Variants in MIGA1 observed in about 807,000 individuals in gnomAD.
MIGA1 encodes the protein mitoguardin 1.
MIGA1 carries 58 observed loss-of-function variants against 82.0 expected under a neutral mutation model. That is an observed-to-expected ratio of 0.71 (90% CI 0.57 to 0.88). The LOEUF (loss-of-function observed/expected upper bound fraction) is 0.88. Among genes scored for constraint, MIGA1 ranks in the 40% least tolerant of loss-of-function variants. The pLI, the probability that MIGA1 is intolerant of heterozygous loss-of-function variation, is 0.00. For missense variants in MIGA1, 751 were observed against 749.1 expected (o/e 1.00, Z -0.03); for synonymous variants, 249 against 253.6 (o/e 0.98, Z 0.17).
chr1:77,822,571 A>C (rs1643370027), intron 7 of MIGA1, among the ~76,000 whole-genome samples: 1 of 152,188 alleles, frequency 6.6e-6, no homozygotes, highest in South Asian at 2.1e-4. Context: ...GCTGAGGCTG[A>C]GTTTTTTGCA....
At chr1:77,825,094 T>C (rs899348235) in intron 7 of MIGA1, among the ~76,000 whole-genome samples, 1 of 150,648 alleles carries the variant, frequency 6.6e-6, no homozygotes, top group African/African-American at 2.4e-5. Context: ...GTTCAAGTGA[T>C]TCTCTTGCCT....
chr1:77,834,637 C>G (rs1183090567), intron 7 of MIGA1, among the ~76,000 whole-genome samples: 1 of 152,120 alleles, frequency 6.6e-6, no homozygotes, highest in Non-Finnish European at 1.5e-5. Flanking sequence ...TTCTTTCTCT[C>G]AAATTATACT....
intron 2 of MIGA1, among the ~76,000 whole-genome samples, chr1:77,788,815 A>G (rs1228646767): frequency 1.3e-5 from 2 of 152,136 alleles, no homozygotes; most frequent in African/African-American, 4.8e-5. Flanking sequence ...CTGTCGCTTT[A>G]TAGTGAGTTT....
chr1:77,808,447 C>G (rs937139267), intron 5 of MIGA1, among the ~76,000 whole-genome samples: 1 of 152,150 alleles, frequency 6.6e-6, no homozygotes, highest in Non-Finnish European at 1.5e-5. Context: ...ATGAATCTAT[C>G]AGAACTCACT....
chr1:77,830,587 C>T (rs1000897393), intron 7 of MIGA1, among the ~76,000 whole-genome samples: 1 of 152,116 alleles, frequency 6.6e-6, no homozygotes, highest in Admixed American at 6.6e-5. Flanking sequence ...TCCGCACCCC[C>T]CTCCCCGCAA....
chr1:77,875,306 T>G lies in MIGA1; in HGVS notation c.*242T>G, dbSNP rs1322709557. On this transcript the variant is annotated 3_prime_UTR_variant, in exon 16 of 16. Coordinates refer to ENST00000370791, the MANE Select transcript of MIGA1 (RefSeq NM_198549.4). ...AGGTAATAATTGAAGTCATGAAATGTATATTTTACAGAAATATCGCTTGAA... is the reference window on the plus strand; with the variant it reads ...AGGTAATAATTGAAGTCATGAAATGGATATTTTACAGAAATATCGCTTGAA... 5.1e-6 allele frequency: 2 copies of G among 395,406 alleles called. No homozygotes were observed. Among genetic ancestry groups the G allele is most frequent in the African/African-American group, 4.1e-5 (2 of 48,364 alleles). The allele number at this position is 395,406 out of a possible 1,614,324, so 24.5% of individuals were successfully genotyped here. A position where few individuals can be genotyped will look rare whatever the true frequency, so the allele number is the denominator to read the frequency against.
chr1:77,859,353 T>G lies in MIGA1; in HGVS notation c.1155T>G (p.Leu385=). The change falls in exon 10 of 16, where the codon CTT becomes CTG. Residue 385 remains leucine (L), a synonymous_variant. Coordinates refer to ENST00000370791, the MANE Select transcript of MIGA1 (RefSeq NM_198549.4). ...AGTGCCTAGGAGACAGTGATTTTCTTGCCAAACTTCACTGTATTCGACAGG... is the reference window on the plus strand; with the variant it reads ...AGTGCCTAGGAGACAGTGATTTTCTGGCCAAACTTCACTGTATTCGACAGG... The G allele has an allele frequency of 1.2e-6, 2 of 1,613,950 alleles. No individual in the cohort carries two copies. The highest frequency in any genetic ancestry group is 1.7e-6 in the Non-Finnish European group (2 of 1,179,840).
At chr1:77,780,315 G>C in intron 1 of MIGA1, 1 of 273,226 alleles carries the variant, frequency 3.7e-6, no homozygotes, top group Non-Finnish European at 5.6e-6. Context: ...TTTAGCACGG[G>C]AGTATTGTGG....
intron 2 of MIGA1, among the ~76,000 whole-genome samples, chr1:77,799,550 G>T (rs1682790466): frequency 6.6e-6 from 1 of 152,112 alleles, no homozygotes; most frequent in Admixed American, 6.6e-5. Flanking sequence ...TTGTGAAATT[G>T]ATACTGTTTC....
chr1:77,855,157 T>C (rs1272484957), intron 8 of MIGA1, among the ~76,000 whole-genome samples: 3 of 152,216 alleles, frequency 2.0e-5, no homozygotes, highest in Admixed American at 2.0e-4. Flanking sequence ...AGGGTGTCTT[T>C]TCCCCATTTT....
At position 77,859,612 on chromosome 1, in the gene MIGA1, AAAAC is replaced by A. The variant is rs1685389790; in HGVS notation, c.1188+228_1188+231del. 1.2e-5 allele frequency: 6 copies of A among 484,516 alleles called. 1 individual carries two copies. The East Asian group carries it at 1.8e-4, about 15-fold the overall frequency. The allele number at this position is 484,516 out of a possible 1,614,324, so 30.0% of individuals were successfully genotyped here. On this transcript the variant is annotated intron_variant, in intron 10 of 15. Transcript: ENST00000370791. ...CTTCCCAGGCCCACGACACTTTGTCAAAACAGGATATTTTGATACTTCAGGAGTG... is the reference window on the plus strand; with the variant it reads ...CTTCCCAGGCCCACGACACTTTGTCAAGGATATTTTGATACTTCAGGAGTG...
Position 77,878,859 on chromosome 1 carries a change from A to C in MIGA1, c.*3795A>C. ...AGCTCCAAAGAACTTTGTCTTTCTC[A>C]TAAAGTAATATTCTTTATTTGCATC... is the stretch of plus-strand genomic sequence containing the variant. On this transcript the variant is annotated 3_prime_UTR_variant, in exon 16 of 16. Coordinates refer to ENST00000370791, the MANE Select transcript of MIGA1 (RefSeq NM_198549.4). 1 of 370,850 alleles carries C rather than the reference A, an allele frequency of 2.7e-6. No homozygotes were observed. The highest frequency in any genetic ancestry group is 4.6e-5 in the Admixed American group (1 of 21,596). The allele number at this position is 370,850 out of a possible 1,614,324, so 23.0% of individuals were successfully genotyped here.
chr1:77,842,522 C>T (rs1202921472), intron 7 of MIGA1, among the ~76,000 whole-genome samples: 1 of 152,134 alleles, frequency 6.6e-6, no homozygotes, highest in Non-Finnish European at 1.5e-5. Flanking sequence ...CTGAAAAAGT[C>T]ACAAATATCT....
At chr1:77,862,659 G>A (rs115225503) in intron 12 of MIGA1, among the ~76,000 whole-genome samples, 34 of 151,896 alleles carry the variant, frequency 2.2e-4, no homozygotes, top group African/African-American at 8.2e-4. Context: ...GCGAGACTCC[G>A]TCACACACAC....
intron 2 of MIGA1, among the ~76,000 whole-genome samples, chr1:77,784,997 A>G (rs1439945662): frequency 6.6e-6 from 1 of 152,186 alleles, no homozygotes; most frequent in Non-Finnish European, 1.5e-5. Context: ...GTGGGAATTC[A>G]AGATGAGATT....
At chr1:77,828,211 TAATTC>T (rs1684104241) in intron 7 of MIGA1, among the ~76,000 whole-genome samples, 1 of 152,260 alleles carries the variant, frequency 6.6e-6, no homozygotes, top group Admixed American at 6.5e-5. Context: ...AAGACATACT[TAATTC>T]TATTCAGTGT....
At chr1:77,797,971 A>C (rs930485700) in intron 2 of MIGA1, among the ~76,000 whole-genome samples, 1 of 152,148 alleles carries the variant, frequency 6.6e-6, no homozygotes, top group Non-Finnish European at 1.5e-5. Context: ...TAGTACTTCT[A>C]ATACGACATT....
intron 8 of MIGA1, among the ~76,000 whole-genome samples, chr1:77,855,716 A>G (rs1276434351): frequency 6.6e-6 from 1 of 151,412 alleles, no homozygotes; most frequent in African/African-American, 2.4e-5. Context: ...TGGTGTATAG[A>G]AGAGCTACTG....
intron 4 of MIGA1, among the ~76,000 whole-genome samples, chr1:77,805,833 G>A (rs1027094148): frequency 6.6e-6 from 1 of 152,080 alleles, no homozygotes; most frequent in African/African-American, 2.4e-5. Context: ...GAGTATGCCT[G>A]TTCTATAATG....
Sources: gnomAD v4.1 joint callset for allele counts (sites outside exome capture counted in the v4.1 genomes callset) on GRCh38, gnomAD v4.1.1 for gene constraint, MANE v1.5 for transcripts, NCBI Gene and HGNC (gene_info 2026-07-23, HGNC 2026-07-21) for gene names.